SLC13A4: variants seen among roughly 807,000 people sequenced by gnomAD.
SLC13A4 encodes the protein Na(+)/sulfate cotransporter SUT-1.
Under a neutral mutation model 72.7 loss-of-function variants are expected in SLC13A4, and 28 were observed. The observed-to-expected ratio is 0.39, with a 90% CI of 0.29 to 0.53. The LOEUF (loss-of-function observed/expected upper bound fraction) is 0.53. SLC13A4 is among the 20% of genes least tolerant of loss of function. SLC13A4 has a pLI of 0.78. For synonymous variants in SLC13A4, 312 were observed against 325.5 expected (o/e 0.96, Z 0.45); for missense variants, 653 against 788.0 (o/e 0.83, Z 2.05).
intron 2 of SLC13A4, among the ~76,000 whole-genome samples, chr7:135,709,860 T>C (rs1260005413): frequency 6.6e-6 from 1 of 152,212 alleles, no homozygotes; most frequent in Non-Finnish European, 1.5e-5. Flanking sequence ...CTTGGAGCAA[T>C]GCTTGAATGA....
At chr7:135,720,845 C>T (rs907016820) in intron 2 of SLC13A4, among the ~76,000 whole-genome samples, 4 of 151,952 alleles carry the variant, frequency 2.6e-5, no homozygotes, top group Admixed American at 6.6e-5. Context: ...CTAGGGAGGG[C>T]GCAAAGAAAG....
intron 15 of SLC13A4, among the ~76,000 whole-genome samples, chr7:135,682,560 C>G (rs568173073): frequency 1.3e-5 from 2 of 152,346 alleles, no homozygotes; most frequent in South Asian, 4.1e-4. Context: ...GCCGTCTGGT[C>G]GGGGCCCCCT....
chr7:135,691,703 G>A, intron 11 of SLC13A4, 58 bp from the exon 12 acceptor site: 4 of 1,200,148 alleles, frequency 3.3e-6, no homozygotes, highest in African/African-American at 1.5e-5. Flanking sequence ...GGAGTAACAT[G>A]ATGTCTCGGA....
At chr7:135,692,871 G>A (rs927122471) in intron 10 of SLC13A4, 2 of 158,314 alleles carry the variant, frequency 1.3e-5, no homozygotes, top group Non-Finnish European at 2.8e-5. Context: ...GGAGGCCGAG[G>A]TGGGCGGATC....
chr7:135,710,829 A>G (rs1796283966), intron 2 of SLC13A4, among the ~76,000 whole-genome samples: 1 of 152,096 alleles, frequency 6.6e-6, no homozygotes. Flanking sequence ...TCCTGGGGGG[A>G]AAAGCCCCTG....
intron 2 of SLC13A4, among the ~76,000 whole-genome samples, chr7:135,713,380 G>T (rs1407648403): frequency 6.6e-6 from 1 of 152,054 alleles, no homozygotes; most frequent in Non-Finnish European, 1.5e-5. Context: ...CCTTGACAAG[G>T]AATAGCTATA....
chr7:135,703,082 G>T (rs550034885), intron 5 of SLC13A4, 198 bp from the exon 6 acceptor site: 7 of 581,688 alleles, frequency 1.2e-5, no homozygotes, highest in African/African-American at 1.9e-5. Context: ...CCAGGGGCCT[G>T]CTTCCTTCTG....
chr7:135,683,931 A>AAGAATGTGCTCTCC, intron 15 of SLC13A4, 193 bp downstream of exon 15: 1 of 567,484 alleles, frequency 1.8e-6, no homozygotes, highest in Non-Finnish European at 2.2e-6. Flanking sequence ...TGGGGAGAGC[A>AAGAATGTGCTCTCC]CATTCTTGCT....
chr7:135,691,563 C>T lies in SLC13A4; in HGVS notation c.1306G>A (p.Gly436Arg). 2 of 1,613,166 alleles carry T rather than the reference C, an allele frequency of 1.2e-6. No individual in the cohort carries two copies. Among genetic ancestry groups the T allele is most frequent in the South Asian group, 1.1e-5 (1 of 91,046 alleles). Reference sequence around the variant, plus strand: ...CTTCTCTCACCATCATTCTTTTTCCCAAAGCAGGGCTTCTTCGCTGGAATG... The same window carrying T: ...CTTCTCTCACCATCATTCTTTTTCCTAAAGCAGGGCTTCTTCGCTGGAATG... ...FLIPAKKPCF[G>R]KKNDGENQEH... The change falls in exon 12 of 16, where the codon GGG becomes AGG. Residue 436 changes from glycine to arginine, a missense_variant. Transcript: ENST00000682651.
At chr7:135,684,084 T>C in intron 15 of SLC13A4, 40 bp downstream of exon 15, 1 of 1,560,006 alleles carries the variant, frequency 6.4e-7, no homozygotes, top group Non-Finnish European at 8.7e-7. Context: ...CCTGTCCTCA[T>C]GGCAGCTGGG....
chr7:135,699,227 AC>A, intron 8 of SLC13A4, 136 bp downstream of exon 8: 1 of 883,908 alleles, frequency 1.1e-6, no homozygotes, highest in Non-Finnish European at 1.6e-6. Context: ...GATATGAGCC[AC>A]TGTGCTCAGC....
rs200678196 is a variant in SLC13A4, at chr7:135,684,300, G to C, written c.1609-39C>G. On this transcript the variant is annotated intron_variant, in intron 14 of 15. Coordinates refer to ENST00000682651, the MANE Select transcript of SLC13A4 (RefSeq NM_001318192.2). ...TTCACAGAAACATTCACGAGATTAG[G>C]CTTGCATTTCCTGTGCTTAATGTCA... The C allele has an allele frequency of 2.6e-5, 40 of 1,566,092 alleles. No individual in the cohort carries two copies. The Admixed American group carries it at 6.3e-4, about 25-fold the overall frequency.
At chr7:135,709,840 C>G (rs73160736) in intron 2 of SLC13A4, among the ~76,000 whole-genome samples, 7,947 of 152,240 alleles carry the variant, frequency 0.052, 263 homozygotes, top group South Asian at 0.083. Flanking sequence ...ATTCCGCACA[C>G]CACAGAGCAC....
chr7:135,718,098 CGCACGCGT>C (rs1170759038), intron 2 of SLC13A4, among the ~76,000 whole-genome samples: 2 of 151,746 alleles, frequency 1.3e-5, no homozygotes, highest in South Asian at 2.1e-4. Flanking sequence ...CGCGCGCGCG[CGCACGCGT>C]GCGCGCTAGT....
At chr7:135,713,392 C>G (rs1477933491) in intron 2 of SLC13A4, among the ~76,000 whole-genome samples, 2 of 152,098 alleles carry the variant, frequency 1.3e-5, no homozygotes, top group Non-Finnish European at 2.9e-5. Flanking sequence ...ATAGCTATAG[C>G]AATCTTGGGC....
At position 135,701,683 on chromosome 7, in the gene SLC13A4, G is replaced by A; in HGVS notation, c.711C>T (p.Ser237=). 4 of 1,613,624 alleles carry A rather than the reference G, an allele frequency of 2.5e-6. No individual in the cohort carries two copies. Among genetic ancestry groups the A allele is most frequent in the Non-Finnish European group, 2.5e-6 (3 of 1,179,734 alleles). ...NQHQGKKQHP[S]QEKPQVLTPS... ...CTAGAAGGGGCCGTTCTATTACCTG[G>A]GATGGGTGTTGCTTCTTGCCCTGGT... Residue 237 remains serine (S), a synonymous_variant, in exon 7 of 16, where the codon TCC becomes TCT. Transcript: ENST00000682651.
Position 135,717,069 on chromosome 7 carries a change from G to T in SLC13A4, c.228+4326C>A, listed in dbSNP as rs371963253. Among the ~76,000 whole-genome samples, 31 of 152,314 alleles carry T rather than the reference G, an allele frequency of 2.0e-4. 1 individual carries two copies. The East Asian group carries it at 3.5e-3, about 17-fold the overall frequency. Reference sequence around the variant, plus strand: ...CACCGTACATTAGCACCGTACATTAGCCAGCTAGCGCATCCAACTTAGCCA... The same window carrying T: ...CACCGTACATTAGCACCGTACATTATCCAGCTAGCGCATCCAACTTAGCCA... On this transcript the variant is annotated intron_variant, in intron 2 of 15. Coordinates refer to ENST00000682651, the MANE Select transcript of SLC13A4 (RefSeq NM_001318192.2).
At chr7:135,711,037 G>A (rs1259840631) in intron 2 of SLC13A4, among the ~76,000 whole-genome samples, 2 of 152,186 alleles carry the variant, frequency 1.3e-5, no homozygotes, top group Non-Finnish European at 2.9e-5. Context: ...GGAGCAGGAG[G>A]CACTGCAGGA....
At chr7:135,686,805 C>T (rs1795637188) in intron 13 of SLC13A4, among the ~76,000 whole-genome samples, 1 of 152,160 alleles carries the variant, frequency 6.6e-6, no homozygotes, top group Admixed American at 6.5e-5. Context: ...ACCTGTAATA[C>T]CAGCACTTTA....
Sources: allele counts gnomAD v4.1 joint callset (sites outside exome capture counted in the v4.1 genomes callset), GRCh38; gene constraint gnomAD v4.1.1; transcripts MANE v1.5; gene names NCBI Gene and HGNC (gene_info 2026-07-23, HGNC 2026-07-21).